The following CAMKMT variants were observed in gnomAD, a reference collection of about 807,000 sequenced individuals.
The protein encoded by CAMKMT is calmodulin-lysine N-methyltransferase.
A neutral mutation model predicts 48.0 loss-of-function variants in CAMKMT; 53 were observed. The observed-to-expected ratio is 1.10, with a 90% CI of 0.89 to 1.39. The LOEUF (loss-of-function observed/expected upper bound fraction) is 1.39, where lower values mean the gene tolerates loss of function less well. Ranked by LOEUF, CAMKMT falls within the 40% of genes most tolerant of loss-of-function variation. The pLI is 0.00. For synonymous variants in CAMKMT, 165 were observed against 152.3 expected, an observed-to-expected ratio of 1.08 and a Z score of -0.61; for missense variants, 428 against 402.7, an observed-to-expected ratio of 1.06 and a Z score of -0.54.
chr2:44,483,083 A>G (rs973104353), intron 3 of CAMKMT, among the ~76,000 whole-genome samples: 4 of 152,158 alleles, frequency 2.6e-5, no homozygotes, highest in African/African-American at 9.6e-5. Context: ...TGTGCTTAGC[A>G]CTATATAAAA....
At chr2:44,757,883 T>G (rs1211806383) in intron 9 of CAMKMT, among the ~76,000 whole-genome samples, 1 of 152,120 alleles carries the variant, frequency 6.6e-6, no homozygotes, top group Non-Finnish European at 1.5e-5. Context: ...TATGGGGGCC[T>G]TTTTCCAAGC....
At chr2:44,695,194 G>A (rs934131111) in intron 3 of CAMKMT, among the ~76,000 whole-genome samples, 2 of 152,122 alleles carry the variant, frequency 1.3e-5, no homozygotes, top group African/African-American at 2.4e-5. Flanking sequence ...TTTAAGTTCA[G>A]AGGTACATGT....
chr2:44,719,957 A>G (rs1310745064), intron 7 of CAMKMT, among the ~76,000 whole-genome samples: 1 of 152,192 alleles, frequency 6.6e-6, no homozygotes, highest in Non-Finnish European at 1.5e-5. Context: ...ACCGCTGAGA[A>G]TTCTAGAGAT....
intron 3 of CAMKMT, among the ~76,000 whole-genome samples, chr2:44,413,726 A>G (rs1427184922): frequency 6.6e-6 from 1 of 152,150 alleles, no homozygotes; most frequent in Non-Finnish European, 1.5e-5. Context: ...GTTGAATTGA[A>G]AATTATTTTT....
chr2:44,726,449 G>C (rs1176720761), intron 7 of CAMKMT, among the ~76,000 whole-genome samples: 2 of 152,090 alleles, frequency 1.3e-5, no homozygotes, highest in Admixed American at 6.6e-5. Flanking sequence ...GTCCGTTCAC[G>C]TCCTTTGCCC....
intron 3 of CAMKMT, among the ~76,000 whole-genome samples, chr2:44,700,019 T>C (rs921776670): frequency 4.6e-5 from 7 of 152,242 alleles, no homozygotes; most frequent in African/African-American, 1.7e-4. Flanking sequence ...TCAGTGATCT[T>C]AGCTACATCT....
intron 3 of CAMKMT, among the ~76,000 whole-genome samples, chr2:44,403,765 A>G (rs1180300459): frequency 6.6e-6 from 1 of 152,220 alleles, no homozygotes; most frequent in Non-Finnish European, 1.5e-5. Flanking sequence ...CTTAAAAATA[A>G]GGTAATAAAA....
chr2:44,609,784 G>A (rs1006787032), intron 3 of CAMKMT, among the ~76,000 whole-genome samples: 2 of 152,134 alleles, frequency 1.3e-5, no homozygotes, highest in African/African-American at 4.8e-5. Flanking sequence ...TTCCAGAAGG[G>A]TGGATTGGAA....
chr2:44,454,791 G>A (rs970784173), intron 3 of CAMKMT, among the ~76,000 whole-genome samples: 2 of 152,218 alleles, frequency 1.3e-5, no homozygotes, highest in Admixed American at 1.3e-4. Flanking sequence ...CTTTAGAATT[G>A]TATTGTATCA....
At chr2:44,546,473 G>C (rs539465728) in intron 3 of CAMKMT, among the ~76,000 whole-genome samples, 93 of 152,288 alleles carry the variant, frequency 6.1e-4, no homozygotes, top group African/African-American at 2.1e-3. Flanking sequence ...CATCCCTAAA[G>C]AGTCCAGCAG....
chr2:44,389,598 T>G (rs1009918290), intron 2 of CAMKMT, among the ~76,000 whole-genome samples: 29 of 152,174 alleles, frequency 1.9e-4, no homozygotes, highest in African/African-American at 6.3e-4. Context: ...TATGACCTAT[T>G]GCACAATTGA....
chr2:44,478,533 G>A (rs1163456289), intron 3 of CAMKMT, among the ~76,000 whole-genome samples: 1 of 152,030 alleles, frequency 6.6e-6, no homozygotes, highest in Non-Finnish European at 1.5e-5. Context: ...TCTGCCCTTG[G>A]TTATAACACC....
chr2:44,718,499 G>C (rs575297059), intron 7 of CAMKMT, among the ~76,000 whole-genome samples: 2 of 152,278 alleles, frequency 1.3e-5, no homozygotes, highest in African/African-American at 2.4e-5. Flanking sequence ...AATAATTCTT[G>C]AACAAAGGAA....
chr2:44,615,288 T>A (rs1671824879), intron 3 of CAMKMT, among the ~76,000 whole-genome samples: 1 of 152,008 alleles, frequency 6.6e-6, no homozygotes, highest in South Asian at 2.1e-4. Flanking sequence ...TGCATTTGGC[T>A]GGTATATAGA....
intron 2 of CAMKMT, among the ~76,000 whole-genome samples, chr2:44,389,799 C>A (rs1681146521): frequency 6.6e-6 from 1 of 152,078 alleles, no homozygotes; most frequent in South Asian, 2.1e-4. Flanking sequence ...GAATAGCAGA[C>A]CTGAAGATTG....
chr2:44,737,859 C>CT (rs751961309), intron 7 of CAMKMT, among the ~76,000 whole-genome samples: 226 of 136,526 alleles, frequency 1.7e-3, no homozygotes, highest in Middle Eastern at 7.7e-3. Flanking sequence ...TCTTTTTTTT[C>CT]TTTTTTTTTT....
chr2:44,431,664 C>G (rs977009658), intron 3 of CAMKMT, among the ~76,000 whole-genome samples: 1 of 152,158 alleles, frequency 6.6e-6, no homozygotes, highest in African/African-American at 2.4e-5. Flanking sequence ...CAGTTTCCCA[C>G]AATAGGATTG....
chr2:44,593,621 G>T (rs929150154), intron 3 of CAMKMT, among the ~76,000 whole-genome samples: 5 of 152,064 alleles, frequency 3.3e-5, no homozygotes, highest in Admixed American at 2.0e-4. Flanking sequence ...CCTGCCTCCT[G>T]CCCACTGTCT....
chr2:44,607,808 A>G (rs893604966), intron 3 of CAMKMT, among the ~76,000 whole-genome samples: 3 of 152,130 alleles, frequency 2.0e-5, no homozygotes, highest in Non-Finnish European at 4.4e-5. Flanking sequence ...ATAGTGTTAT[A>G]TATGCTCATT....
Sources: gnomAD v4.1 joint callset for allele counts (sites outside exome capture counted in the v4.1 genomes callset) on GRCh38, gnomAD v4.1.1 for gene constraint, MANE v1.5 for transcripts, NCBI Gene and HGNC (gene_info 2026-07-23, HGNC 2026-07-21) for gene names.